Variants in SMYD3 observed in about 807,000 individuals in gnomAD.
SMYD3 encodes histone-lysine N-methyltransferase SMYD3.
A neutral mutation model predicts 57.7 loss-of-function variants in SMYD3; 36 were observed. That is an observed-to-expected ratio of 0.62 (90% CI 0.48 to 0.82). The LOEUF is 0.82. Among genes scored for constraint, SMYD3 ranks in the 40% least tolerant of loss-of-function variants. SMYD3 has a pLI of 0.00. For missense variants in SMYD3, 515 were observed against 538.8 expected (o/e 0.96, Z 0.44); for synonymous variants, 211 against 195.0 (o/e 1.08, Z -0.68).
intron 5 of SMYD3, among the ~76,000 whole-genome samples, chr1:245,959,579 C>T (rs113370009): frequency 1.1e-4 from 17 of 152,304 alleles, no homozygotes; most frequent in African/African-American, 3.4e-4. Flanking sequence ...GTCTGTTAAA[C>T]GCCTTCCAGT....
intron 5 of SMYD3, among the ~76,000 whole-genome samples, chr1:246,027,730 T>C (rs930510733): frequency 6.6e-6 from 1 of 152,236 alleles, no homozygotes; most frequent in Non-Finnish European, 1.5e-5. Context: ...TGCTGTTTTC[T>C]TGCCTACTAA....
chr1:246,240,364 T>A (rs2063587538), intron 5 of SMYD3, among the ~76,000 whole-genome samples: 1 of 152,260 alleles, frequency 6.6e-6, no homozygotes, highest in African/African-American at 2.4e-5. Context: ...CCCCCATTTC[T>A]TGTTTTTGTC....
chr1:245,942,111 C>T (rs1359112711), intron 5 of SMYD3, among the ~76,000 whole-genome samples: 1 of 152,170 alleles, frequency 6.6e-6, no homozygotes, highest in Non-Finnish European at 1.5e-5. Context: ...ATGACAGGAT[C>T]AAATTCACAC....
intron 5 of SMYD3, among the ~76,000 whole-genome samples, chr1:246,129,717 C>T (rs1352916673): frequency 1.3e-5 from 2 of 152,180 alleles, no homozygotes; most frequent in Non-Finnish European, 2.9e-5. Context: ...GAGGACTCGT[C>T]TGTTCACGTA....
intron 5 of SMYD3, among the ~76,000 whole-genome samples, chr1:246,207,407 G>A (rs1479687405): frequency 6.6e-6 from 1 of 152,122 alleles, no homozygotes; most frequent in African/African-American, 2.4e-5. Context: ...TTGTGAGCCT[G>A]AAGATCTCTT....
intron 5 of SMYD3, among the ~76,000 whole-genome samples, chr1:246,192,920 A>G (rs541338265): frequency 6.6e-6 from 1 of 152,166 alleles, no homozygotes; most frequent in Non-Finnish European, 1.5e-5. Flanking sequence ...AAAAAAAAGA[A>G]ATGTAGTTAC....
chr1:245,830,960 C>A (rs929737692), intron 10 of SMYD3, among the ~76,000 whole-genome samples: 1 of 152,144 alleles, frequency 6.6e-6, no homozygotes, highest in African/African-American at 2.4e-5. Context: ...TCCTGCCCCC[C>A]TCCTCGCTAC....
chr1:246,442,409 C>T (rs1052119045), intron 1 of SMYD3, among the ~76,000 whole-genome samples: 1 of 151,940 alleles, frequency 6.6e-6, no homozygotes, highest in Non-Finnish European at 1.5e-5. Context: ...ATCAGCTGGG[C>T]GTGGTGACGC....
intron 10 of SMYD3, among the ~76,000 whole-genome samples, chr1:245,790,024 C>T (rs2791383): frequency 0.077 from 11,730 of 152,202 alleles, 1,079 homozygotes; most frequent in African/African-American, 0.22. Context: ...AGGGAGACCA[C>T]GGTTCCTGTC....
intron 5 of SMYD3, among the ~76,000 whole-genome samples, chr1:246,140,877 G>T (rs2061743097): frequency 6.6e-6 from 1 of 152,136 alleles, no homozygotes; most frequent in Admixed American, 6.5e-5. Context: ...TCACAGAACT[G>T]AGCCACCAAG....
intron 5 of SMYD3, among the ~76,000 whole-genome samples, chr1:246,005,291 T>G (rs915006301): frequency 6.6e-6 from 1 of 152,242 alleles, no homozygotes; most frequent in Non-Finnish European, 1.5e-5. Context: ...CATTGCCCTA[T>G]GACTCAGCAG....
At position 246,202,474 on chromosome 1, in the gene SMYD3, AAG is replaced by A. The variant is rs2062936864; in HGVS notation, c.531+124725_531+124726del. Among the ~76,000 whole-genome samples the A allele has an allele frequency of 3.3e-5, 5 of 152,296 alleles. No individual in the cohort carries two copies. The South Asian group carries it at 1.0e-3, about 32-fold the overall frequency. ...CAGGCTGGGCCTTGACTCTGCCTGC[AAG>A]AATTCAGCTGGAACCGAGTCAACTC... On this transcript the variant is annotated intron_variant, in intron 5 of 11. Transcript: ENST00000490107. The surrounding 1 kb of genome is among the most constrained non-coding windows in gnomAD (Gnocchi z 4.1).
chr1:245,899,054 A>G (rs540771857), intron 8 of SMYD3, among the ~76,000 whole-genome samples: 3 of 152,240 alleles, frequency 2.0e-5, no homozygotes, highest in South Asian at 2.1e-4. Flanking sequence ...ATACTGTGTA[A>G]GTCCAATAAT....
At position 246,057,657 on chromosome 1, in the gene SMYD3, C is replaced by T. The variant is rs533600152; in HGVS notation, c.532-127720G>A. Reference sequence around the variant, plus strand: ...AACTCTCGTTCACTGCTGATGGGAACGCAAAATGGTACAGCCACTTGGGAA... The same window carrying T: ...AACTCTCGTTCACTGCTGATGGGAATGCAAAATGGTACAGCCACTTGGGAA... On this transcript the variant is annotated intron_variant, in intron 5 of 11. Transcript: ENST00000490107. Among the ~76,000 whole-genome samples the T allele has an allele frequency of 1.3e-4, 20 of 152,294 alleles. No individual in the cohort carries two copies. In the East Asian group the frequency reaches 2.3e-3, roughly 18 times the overall value.
chr1:245,950,147 G>GA (rs934008647), intron 5 of SMYD3, among the ~76,000 whole-genome samples: 9 of 152,048 alleles, frequency 5.9e-5, no homozygotes, highest in Non-Finnish European at 1.0e-4. Flanking sequence ...AGGTTCCAAA[G>GA]AAAAAGAAAT....
intron 10 of SMYD3, among the ~76,000 whole-genome samples, chr1:245,817,319 G>C (rs368503365): frequency 6.9e-6 from 1 of 144,390 alleles, no homozygotes; most frequent in Non-Finnish European, 1.5e-5. Context: ...TATTCCAACA[G>C]CCCTGCAGCT....
At chr1:246,131,470 C>T (rs1280005303) in intron 5 of SMYD3, among the ~76,000 whole-genome samples, 1 of 152,158 alleles carries the variant, frequency 6.6e-6, no homozygotes, top group Non-Finnish European at 1.5e-5. Flanking sequence ...GGTTCTTATT[C>T]ATAAGGCTGA....
At chr1:246,297,205 TG>T (rs1440188881) in intron 5 of SMYD3, among the ~76,000 whole-genome samples, 5 of 152,100 alleles carry the variant, frequency 3.3e-5, no homozygotes, top group Non-Finnish European at 7.4e-5. Context: ...GGACCATCTT[TG>T]AGAGATGCCA....
chr1:246,313,591 A>G (rs1421504631), intron 5 of SMYD3, among the ~76,000 whole-genome samples: 1 of 152,246 alleles, frequency 6.6e-6, no homozygotes. Context: ...CCAAATGTCA[A>G]TCAAAACTTG....
Sources: allele counts gnomAD v4.1 joint callset (sites outside exome capture counted in the v4.1 genomes callset), GRCh38; gene constraint gnomAD v4.1.1; non-coding constraint Gnocchi (gnomAD v3.1); transcripts MANE v1.5; gene names NCBI Gene and HGNC (gene_info 2026-07-23, HGNC 2026-07-21).